The following ESYT2 variants were observed in gnomAD, a reference collection of about 807,000 sequenced individuals.
ESYT2 encodes the protein extended synaptotagmin 2.
A neutral mutation model predicts 107.2 loss-of-function variants in ESYT2; 54 were observed. The ratio of observed to expected loss-of-function variants is 0.50; its 90% CI spans 0.40 to 0.63. The LOEUF is 0.63. Among genes scored for constraint, ESYT2 ranks in the 30% least tolerant of loss-of-function variants. The pLI, the probability that ESYT2 is intolerant of heterozygous loss-of-function variation, is 0.00. For missense variants in ESYT2, 1,020 were observed against 1,094.5 expected (o/e 0.93, Z 0.96); for synonymous variants, 491 against 434.1 (o/e 1.13, Z -1.63).
At chr7:158,819,168 CAA>C (rs1418485122) in intron 1 of ESYT2, among the ~76,000 whole-genome samples, 1 of 152,170 alleles carries the variant, frequency 6.6e-6, no homozygotes, top group Non-Finnish European at 1.5e-5. Flanking sequence ...GTTATTCAGA[CAA>C]AAAGAGATAG....
At chr7:158,771,956 TAAAAAAATAC>T (rs1838387575) in intron 7 of ESYT2, among the ~76,000 whole-genome samples, 2 of 151,746 alleles carry the variant, frequency 1.3e-5, no homozygotes, top group African/African-American at 4.8e-5. Context: ...CCATCTCTAC[TAAAAAAATAC>T]AAAAATTAGC....
At chr7:158,784,291 TCTGGAATTCA>T (rs1177358277) in intron 6 of ESYT2, among the ~76,000 whole-genome samples, 1 of 152,236 alleles carries the variant, frequency 6.6e-6, no homozygotes, top group Non-Finnish European at 1.5e-5. Flanking sequence ...TGGCCCTGAC[TCTGGAATTCA>T]CTGCAGCCTC....
intron 4 of ESYT2, among the ~76,000 whole-genome samples, chr7:158,790,653 A>AT (rs1468512506): frequency 6.6e-6 from 1 of 152,170 alleles, no homozygotes; most frequent in Non-Finnish European, 1.5e-5. Context: ...TTGGCTGGGC[A>AT]TGGTGGCTCA....
intron 6 of ESYT2, among the ~76,000 whole-genome samples, chr7:158,782,753 A>G (rs1324696765): frequency 6.7e-6 from 1 of 150,270 alleles, no homozygotes; most frequent in Non-Finnish European, 1.5e-5. Flanking sequence ...AGCATGTGTG[A>G]GAACAAGTGT....
chr7:158,778,193 A>G (rs890809091), intron 6 of ESYT2, among the ~76,000 whole-genome samples: 1 of 152,212 alleles, frequency 6.6e-6, no homozygotes, highest in African/African-American at 2.4e-5. Flanking sequence ...CAACTCTCTT[A>G]AGAGCATTTT....
rs116740162 is a variant in ESYT2 at position 158,775,212 on chromosome 7, G to T, written c.748-1816C>A. Among the ~76,000 whole-genome samples the T allele has an allele frequency of 5.5e-3, 837 of 152,222 alleles. 10 individuals carry two copies. Among genetic ancestry groups the T allele is most frequent in the African/African-American group, 0.019 (800 of 41,528 alleles). ...CATTTTATTGCTAAAAAATGCTAACGATCACATAAGCCTTCAGCGCGTCAT... is the reference window on the plus strand; with the variant it reads ...CATTTTATTGCTAAAAAATGCTAACTATCACATAAGCCTTCAGCGCGTCAT... On this transcript the variant is annotated intron_variant, in intron 6 of 22. Transcript: ENST00000275418.
intron 1 of ESYT2, among the ~76,000 whole-genome samples, chr7:158,824,697 G>A (rs916381800): frequency 6.6e-5 from 10 of 152,172 alleles, no homozygotes; most frequent in African/African-American, 2.2e-4. Context: ...AGTATTATCC[G>A]TGACAGTATT....
intron 1 of ESYT2, among the ~76,000 whole-genome samples, chr7:158,814,328 T>A (rs1327460226): frequency 7.8e-4 from 4 of 5,134 alleles, no homozygotes; most frequent in East Asian, 1.1e-3. Flanking sequence ...TATATATATA[T>A]ATATATATAT....
intron 4 of ESYT2, among the ~76,000 whole-genome samples, chr7:158,791,024 C>T (rs562408401): frequency 5.9e-5 from 9 of 152,314 alleles, no homozygotes; most frequent in African/African-American, 2.2e-4. Context: ...CCATAACGTG[C>T]AACCATCACC....
chr7:158,803,871 CCAAACCACG>C (rs1839722400), intron 1 of ESYT2, among the ~76,000 whole-genome samples: 2 of 83,890 alleles, frequency 2.4e-5, no homozygotes, highest in African/African-American at 5.0e-5. Flanking sequence ...CGCGACAAAC[CCAAACCACG>C]GAGAAGGGTG....
At chr7:158,753,599 ATTTTT>A (rs775077906) in intron 13 of ESYT2, among the ~76,000 whole-genome samples, 2 of 132,820 alleles carry the variant, frequency 1.5e-5, no homozygotes, top group Non-Finnish European at 1.6e-5. Context: ...TAAATGTTTA[ATTTTT>A]TTTTTTTTTT....
At chr7:158,811,462 T>A (rs1234088005) in intron 1 of ESYT2, among the ~76,000 whole-genome samples, 1 of 152,194 alleles carries the variant, frequency 6.6e-6, no homozygotes, top group Non-Finnish European at 1.5e-5. Flanking sequence ...CCAAATTATC[T>A]GCCAAACTAG....
chr7:158,743,309 G>A (rs560184063), intron 17 of ESYT2, among the ~76,000 whole-genome samples: 3 of 152,292 alleles, frequency 2.0e-5, no homozygotes, highest in East Asian at 3.9e-4. Context: ...ACCTGGAAAC[G>A]TGGCCTGTTC....
chr7:158,738,185 G>A (rs1002228007), intron 19 of ESYT2, among the ~76,000 whole-genome samples: 6 of 151,872 alleles, frequency 4.0e-5, no homozygotes, highest in African/African-American at 1.5e-4. Flanking sequence ...GGTAGTGCAC[G>A]CCTGTAATCC....
At chr7:158,768,571 C>T (rs1231691346) in intron 7 of ESYT2, among the ~76,000 whole-genome samples, 3 of 152,174 alleles carry the variant, frequency 2.0e-5, no homozygotes. Flanking sequence ...AGGCGCGCAC[C>T]ACCACGCCTG....
intron 3 of ESYT2, among the ~76,000 whole-genome samples, chr7:158,794,003 G>T (rs1272790039): frequency 4.6e-5 from 7 of 152,206 alleles, no homozygotes; most frequent in African/African-American, 9.7e-5. Flanking sequence ...TGCATGCCTT[G>T]CCCACAGCAG....
chr7:158,741,835 C>A lies in ESYT2; in HGVS notation c.1856G>T (p.Arg619Leu). 6.2e-7 allele frequency: 1 copy of A among 1,613,868 alleles called. No individual in the cohort carries two copies. The highest frequency in any genetic ancestry group is 8.5e-7 in the Non-Finnish European group (1 of 1,179,912). ...PDHQHSAQVK[R>L]PSVSKEGRKT... ...CCTCCCCTCTTTGGACACAGAGGGA[C>A]GTTTGACTTGAGCTGAGTGTTGGTG... The change falls in exon 18 of 23, where the codon CGT (arginine) becomes CTT (leucine). Residue 619 changes from arginine (R) to leucine (L), a missense_variant. Coordinates refer to ENST00000275418, the MANE Select transcript of ESYT2 (RefSeq NM_001367773.1).
At chr7:158,772,317 C>T (rs930930811) in intron 7 of ESYT2, among the ~76,000 whole-genome samples, 2 of 152,112 alleles carry the variant, frequency 1.3e-5, no homozygotes, top group African/African-American at 4.8e-5. Flanking sequence ...TTCATGATGA[C>T]TGTGCTTCAG....
chr7:158,745,993 A>C (rs1837388133), intron 16 of ESYT2, among the ~76,000 whole-genome samples: 1 of 152,104 alleles, frequency 6.6e-6, no homozygotes, highest in Non-Finnish European at 1.5e-5. Context: ...AAATCAATGA[A>C]ATAGTAAAAG....
Sources: allele counts gnomAD v4.1 joint callset (sites outside exome capture counted in the v4.1 genomes callset), GRCh38; gene constraint gnomAD v4.1.1; transcripts MANE v1.5; gene names NCBI Gene and HGNC (gene_info 2026-07-23, HGNC 2026-07-21).